PTPRD: variants seen among roughly 807,000 people sequenced by gnomAD.
PTPRD encodes the protein receptor-type tyrosine-protein phosphatase delta.
In PTPRD, 34 loss-of-function variants were observed where a neutral mutation model predicts 214.5. That is an observed-to-expected ratio of 0.16 (90% confidence interval 0.12 to 0.21). The LOEUF is 0.21. Among genes scored for constraint, PTPRD ranks in the 10% least tolerant of loss-of-function variants. PTPRD has a pLI of 1.00. For missense variants in PTPRD, 2,545 were observed against 2,398.7 expected (o/e 1.06, Z -1.27); for synonymous variants, 1,128 against 845.7 (o/e 1.33, Z -5.79).
chr9:10,258,832 A>G (rs1301355323), intron 3 of PTPRD, among the ~76,000 whole-genome samples: 1 of 152,224 alleles, frequency 6.6e-6, no homozygotes, highest in Non-Finnish European at 1.5e-5. Context: ...TGAATACACT[A>G]TCGTTTTTAT....
At chr9:10,262,697 T>A (rs930175574) in intron 3 of PTPRD, among the ~76,000 whole-genome samples, 5 of 152,230 alleles carry the variant, frequency 3.3e-5, no homozygotes, top group Non-Finnish European at 5.9e-5. Context: ...TCTCTGGGAC[T>A]TATTTTTCTT....
intron 3 of PTPRD, among the ~76,000 whole-genome samples, chr9:10,202,951 A>G (rs1278451939): frequency 6.6e-6 from 1 of 151,964 alleles, no homozygotes; most frequent in East Asian, 1.9e-4. Context: ...CTCCAGAACT[A>G]TGAGAAATAA....
intron 11 of PTPRD, among the ~76,000 whole-genome samples, chr9:8,810,235 A>G (rs192074493): frequency 1.3e-5 from 2 of 152,352 alleles, no homozygotes; most frequent in Admixed American, 1.3e-4. Context: ...TTGGAAAGAA[A>G]AAGGTAGACT....
At chr9:10,417,281 T>C (rs1189404886) in intron 2 of PTPRD, among the ~76,000 whole-genome samples, 1 of 151,956 alleles carries the variant, frequency 6.6e-6, no homozygotes, top group Non-Finnish European at 1.5e-5. Flanking sequence ...TCGACCTGTG[T>C]ACCTTCTTCC....
intron 4 of PTPRD, among the ~76,000 whole-genome samples, chr9:10,027,739 AG>A (rs1335879747): frequency 6.6e-5 from 10 of 152,224 alleles, no homozygotes; most frequent in African/African-American, 2.2e-4. Flanking sequence ...TATATGTAAT[AG>A]AAACTACTAA....
chr9:8,632,404 A>G (rs960569806), intron 14 of PTPRD, among the ~76,000 whole-genome samples: 2 of 151,960 alleles, frequency 1.3e-5, no homozygotes, highest in African/African-American at 4.8e-5. Flanking sequence ...TATGATTCTG[A>G]TTGTTTCCTT....
At chr9:10,514,773 T>A (rs1486025139) in intron 2 of PTPRD, among the ~76,000 whole-genome samples, 1 of 152,036 alleles carries the variant, frequency 6.6e-6, no homozygotes, top group Non-Finnish European at 1.5e-5. Context: ...GTATCCAGAT[T>A]TAATAGGCAT....
chr9:9,779,104 A>AAAAAAAAAAAAAAAAAAAAAAC (rs2098823144), intron 5 of PTPRD, among the ~76,000 whole-genome samples: 1 of 146,498 alleles, frequency 6.8e-6, no homozygotes, highest in African/African-American at 2.5e-5. Flanking sequence ...AAAAAAAAAA[A>AAAAAAAAAAAAAAAAAAAAAAC]GCAATGGGGA....
At chr9:9,536,292 C>A (rs1322683912) in intron 8 of PTPRD, among the ~76,000 whole-genome samples, 1 of 151,944 alleles carries the variant, frequency 6.6e-6, no homozygotes, top group African/African-American at 2.4e-5. Flanking sequence ...GATTAGCACA[C>A]AAACAATGTG....
intron 31 of PTPRD, 114 bp downstream of exon 31, chr9:8,470,881 G>A: frequency 1.2e-6 from 1 of 847,514 alleles, no homozygotes; most frequent in South Asian, 1.4e-5. Context: ...CAACCAGCTA[G>A]GTATGGAGAA....
At chr9:9,989,041 AAAAAC>A (rs2095821712) in intron 4 of PTPRD, among the ~76,000 whole-genome samples, 1 of 146,792 alleles carries the variant, frequency 6.8e-6, no homozygotes, top group African/African-American at 2.5e-5. Flanking sequence ...AAAAAAAAAA[AAAAAC>A]CACAGACTTT....
intron 11 of PTPRD, among the ~76,000 whole-genome samples, chr9:8,790,790 C>CA (rs1473275226): frequency 6.7e-6 from 1 of 148,754 alleles, no homozygotes; most frequent in African/African-American, 2.5e-5. Context: ...GGGGTAGTGA[C>CA]AAAACAGAAA....
chr9:9,361,973 C>G (rs931788938), intron 9 of PTPRD, among the ~76,000 whole-genome samples: 1 of 151,022 alleles, frequency 6.6e-6, no homozygotes, highest in African/African-American at 2.4e-5. Context: ...AATTCATAAA[C>G]TCCTTTTGGA....
intron 6 of PTPRD, among the ~76,000 whole-genome samples, chr9:9,756,816 T>C (rs2098589127): frequency 6.6e-6 from 1 of 152,158 alleles, no homozygotes. Context: ...TACAAAATAC[T>C]GCCTCCCATG....
At chr9:9,956,797 C>A (rs967506884) in intron 4 of PTPRD, among the ~76,000 whole-genome samples, 1 of 152,046 alleles carries the variant, frequency 6.6e-6, no homozygotes, top group Non-Finnish European at 1.5e-5. Flanking sequence ...ATTTTGTTTT[C>A]TAGCACTGAA....
chr9:10,149,278 C>G (rs1440767710), intron 3 of PTPRD, among the ~76,000 whole-genome samples: 2 of 152,182 alleles, frequency 1.3e-5, no homozygotes, highest in East Asian at 3.9e-4. Flanking sequence ...ACATCAACAA[C>G]TCAAGATAGC....
At chr9:9,250,405 G>T (rs1243444772) in intron 9 of PTPRD, among the ~76,000 whole-genome samples, 3 of 152,042 alleles carry the variant, frequency 2.0e-5, no homozygotes, top group South Asian at 2.1e-4. Context: ...CTCTCAGAGG[G>T]TATAAGTCAG....
In PTPRD at chr9:10,133,757, A is replaced by G. The variant is rs1036265174; in HGVS notation, c.-544-99967T>C. ...TAATTTTTGAATGAAGAATGCTTGAATTTCATAAATGAATTTAATTAATGC... is the reference window on the plus strand; with the variant it reads ...TAATTTTTGAATGAAGAATGCTTGAGTTTCATAAATGAATTTAATTAATGC... On this transcript the variant is annotated intron_variant, in intron 3 of 45. Coordinates refer to ENST00000381196, the MANE Select transcript of PTPRD (RefSeq NM_002839.4). Among the ~76,000 whole-genome samples the G allele has an allele frequency of 3.3e-5, 5 of 152,272 alleles. No individual in the cohort carries two copies. In the South Asian group the frequency reaches 1.0e-3, roughly 32 times the overall value.
intron 9 of PTPRD, among the ~76,000 whole-genome samples, chr9:9,242,245 T>A (rs1485043734): frequency 6.6e-6 from 1 of 152,204 alleles, no homozygotes; most frequent in Non-Finnish European, 1.5e-5. Flanking sequence ...CCTTTGTGAG[T>A]AACCCGACCT....
Sources: gnomAD v4.1 joint callset for allele counts (sites outside exome capture counted in the v4.1 genomes callset) on GRCh38, gnomAD v4.1.1 for gene constraint, MANE v1.5 for transcripts, NCBI Gene and HGNC (gene_info 2026-07-23, HGNC 2026-07-21) for gene names.